Variants in MOSPD1 observed in about 807,000 individuals in gnomAD.
MOSPD1 encodes motile sperm domain containing 1.
In MOSPD1, 5 loss-of-function variants were observed where a neutral mutation model predicts 16.7. The observed-to-expected ratio is 0.30, with a 90% CI of 0.16 to 0.63. The LOEUF (loss-of-function observed/expected upper bound fraction) is 0.63, where lower values mean the gene tolerates loss of function less well. MOSPD1 is among the 30% of genes least tolerant of loss of function. MOSPD1 has a pLI of 0.82. For missense variants in MOSPD1, 104 were observed against 153.6 expected (o/e 0.68, Z 1.71); for synonymous variants, 67 against 59.2 (o/e 1.13, Z -0.61).
intron 1 of MOSPD1, among the ~76,000 whole-genome samples, chrX:134,900,487 G>T (rs1177372290): frequency 8.9e-6 from 1 of 111,763 alleles, no homozygotes; most frequent in Non-Finnish European, 1.9e-5. Context: ...ATGAAAATGT[G>T]AAGTCAGTAA....
At chrX:134,911,574 TG>T (rs1244766585) in intron 1 of MOSPD1, among the ~76,000 whole-genome samples, 3 of 112,496 alleles carry the variant, frequency 2.7e-5, no homozygotes, top group African/African-American at 9.7e-5. Context: ...AAGCTTGCCT[TG>T]GCTTGTACGT....
At chrX:134,891,382 G>T in intron 5 of MOSPD1, 97 bp downstream of exon 5, 1 of 858,471 alleles carries the variant, frequency 1.2e-6, no homozygotes, top group Non-Finnish European at 1.6e-6. Context: ...TTCTTTACCT[G>T]TTCTTTGGGA....
In MOSPD1 at chrX:134,915,212, C is replaced by A. The variant is rs1288284062; in HGVS notation, c.-132G>T. 1 of 112,300 alleles carries A rather than the reference C, an allele frequency of 8.9e-6. No homozygotes were observed. The highest frequency in any genetic ancestry group is 1.9e-5 in the Non-Finnish European group (1 of 53,240). 9.3% of individuals were successfully genotyped at this position (112,300 alleles called of 1,213,427 possible). A position where few individuals can be genotyped will look rare whatever the true frequency, so the allele number is the denominator to read the frequency against. On this transcript the variant is annotated 5_prime_UTR_variant, in exon 1 of 6. Coordinates refer to ENST00000370783, the MANE Select transcript of MOSPD1 (RefSeq NM_019556.3). ...CAACACCGGCTTCCTCGGAAAGCAG[C>A]TGCGACTGCTCCTCCGCTCCTTTGT...
At chrX:134,907,943 A>G (rs1178696405) in intron 1 of MOSPD1, among the ~76,000 whole-genome samples, 1 of 112,138 alleles carries the variant, frequency 8.9e-6, no homozygotes, top group Admixed American at 9.5e-5. Flanking sequence ...TAATGTTTTT[A>G]AAAAATTTAT....
intron 3 of MOSPD1, 128 bp from the exon 4 acceptor site, chrX:134,897,162 T>C (rs187811468): frequency 3.1e-4 from 139 of 447,714 alleles, no homozygotes; most frequent in Admixed American, 2.5e-3. Flanking sequence ...AACAGAAATT[T>C]GCTAAGATGT....
At chrX:134,912,254 G>C (rs1189783475) in intron 1 of MOSPD1, among the ~76,000 whole-genome samples, 1 of 111,478 alleles carries the variant, frequency 9.0e-6, no homozygotes, top group Non-Finnish European at 1.9e-5. Flanking sequence ...CTCCATGTTG[G>C]TCAGGCTGGT....
intron 1 of MOSPD1, among the ~76,000 whole-genome samples, chrX:134,908,961 C>G (rs1364979234): frequency 8.9e-6 from 1 of 112,341 alleles, no homozygotes; most frequent in Non-Finnish European, 1.9e-5. Context: ...ACCCTGCAAC[C>G]TGTTTTTAGA....
At chrX:134,890,119 G>A (rs2082855323) in intron 5 of MOSPD1, among the ~76,000 whole-genome samples, 1 of 106,749 alleles carries the variant, frequency 9.4e-6, no homozygotes, top group Non-Finnish European at 1.9e-5. Flanking sequence ...GAGAGAGAAC[G>A]AGGAGATGGG....
chrX:134,915,032 C>G (rs1201385696), intron 1 of MOSPD1, 150 bp downstream of exon 1: 1 of 113,577 alleles, frequency 8.8e-6, no homozygotes, highest in East Asian at 2.8e-4. Context: ...CCACCCGCAT[C>G]CCGGCGCCGC....
intron 1 of MOSPD1, among the ~76,000 whole-genome samples, chrX:134,909,407 G>A (rs1324198561): frequency 8.9e-6 from 1 of 111,894 alleles, no homozygotes; most frequent in Non-Finnish European, 1.9e-5. Flanking sequence ...CAGTGTACCA[G>A]CTACTTAACT....
intron 1 of MOSPD1, among the ~76,000 whole-genome samples, chrX:134,912,644 CAA>C (rs199964723): frequency 9.9e-6 from 1 of 101,377 alleles, no homozygotes; most frequent in Non-Finnish European, 2.0e-5. Context: ...TTCAGCTAAT[CAA>C]AAAAAAAAAC....
chrX:134,903,573 G>A (rs191880026), intron 1 of MOSPD1, among the ~76,000 whole-genome samples: 1,228 of 107,954 alleles, frequency 0.011, 3 homozygotes, highest in Non-Finnish European at 0.019. Context: ...TTAGCCAGGC[G>A]TGGTGGCGTG....
In MOSPD1 at chrX:134,891,781, G is replaced by C. The variant is rs191471067; in HGVS notation, c.449-141C>G. The C allele has an allele frequency of 4.3e-4, 254 of 587,637 alleles. 1 individual carries two copies. The African/African-American group carries it at 5.4e-3, about 12-fold the overall frequency. The allele number at this position is 587,637 out of a possible 1,213,427, so 48.4% of individuals were successfully genotyped here. Reference sequence around the variant, plus strand: ...TTTCCCCATCATTTTTTCCATCTGAGAGTTAACTGCTGGGCTGATGTGGAA... The same window carrying C: ...TTTCCCCATCATTTTTTCCATCTGACAGTTAACTGCTGGGCTGATGTGGAA... On this transcript the variant is annotated intron_variant, in intron 4 of 5. Coordinates refer to ENST00000370783, the MANE Select transcript of MOSPD1 (RefSeq NM_019556.3).
At position 134,889,116 on chromosome X, in the gene MOSPD1, T is replaced by C. The variant is rs752019988; in HGVS notation, c.*45A>G. 37 of 1,103,986 alleles carry C rather than the reference T, an allele frequency of 3.4e-5. No individual in the cohort carries two copies. The highest frequency in any genetic ancestry group is 4.5e-5 in the Non-Finnish European group (36 of 808,461). The allele number at this position is 1,103,986 out of a possible 1,213,427, so 91.0% of individuals were successfully genotyped here. On this transcript the variant is annotated 3_prime_UTR_variant, in exon 6 of 6. Transcript: ENST00000370783. ...AGAGATAAAAGGCAGTCCACATTCA[T>C]ATTTTCAAGACAGATTTACTTCAGA...
Position 134,899,550 on chromosome X carries a change from G to C in MOSPD1, c.-101-16C>G. ...TTTTGGCAATCTAGAAATAGAAGGA[G>C]AAAGCGAGAAGAAAAGTGAATGATC... On this transcript the variant is annotated splice_polypyrimidine_tract_variant and intron_variant, in intron 1 of 5. Transcript: ENST00000370783. The C allele has an allele frequency of 1.4e-6, 1 of 725,433 alleles. No homozygotes were observed. The highest frequency in any genetic ancestry group is 2.2e-5 in the African/African-American group (1 of 45,960). 59.8% of individuals were successfully genotyped at this position (725,433 alleles called of 1,213,427 possible).
At chrX:134,903,711 CAAAAAAAAAAAA>C (rs772831491) in intron 1 of MOSPD1, among the ~76,000 whole-genome samples, 1 of 54,974 alleles carries the variant, frequency 1.8e-5, no homozygotes, top group African/African-American at 7.7e-5. Context: ...GACTCCATCT[CAAAAAAAAAAAA>C]AAAAAAGAAA....
intron 4 of MOSPD1, among the ~76,000 whole-genome samples, chrX:134,894,809 C>A (rs1000075080): frequency 1.3e-4 from 15 of 111,885 alleles, no homozygotes; most frequent in African/African-American, 4.9e-4. Context: ...GCCTTCCTAG[C>A]TCAGCCCATT....
In MOSPD1 at chrX:134,899,456, C is replaced by A. The variant is rs764273929; in HGVS notation, c.-23G>T. The A allele has an allele frequency of 1.8e-6, 2 of 1,138,076 alleles. No individual in the cohort carries two copies. The highest frequency in any genetic ancestry group is 2.3e-6 in the Non-Finnish European group (2 of 863,554). The allele number at this position is 1,138,076 out of a possible 1,213,427, so 93.8% of individuals were successfully genotyped here. On this transcript the variant is annotated 5_prime_UTR_variant, in exon 2 of 6. Transcript: ENST00000370783. ...CATTGGCACTGAATCCCCCTTGCTG[C>A]AGTTTCTGTTTTTACAGTCTCAAAT...
chrX:134,901,319 A>G (rs993871101), intron 1 of MOSPD1, among the ~76,000 whole-genome samples: 2 of 111,812 alleles, frequency 1.8e-5, no homozygotes, highest in African/African-American at 3.2e-5. Flanking sequence ...GTGCTAGAGA[A>G]TCAGAAGACT....
Sources: gnomAD v4.1 joint callset for allele counts (sites outside exome capture counted in the v4.1 genomes callset) on GRCh38, gnomAD v4.1.1 for gene constraint, MANE v1.5 for transcripts, NCBI Gene and HGNC (gene_info 2026-07-23, HGNC 2026-07-21) for gene names.